Variants in RLF observed in about 807,000 individuals in gnomAD.
RLF encodes RLF zinc finger.
Under a neutral mutation model 162.9 loss-of-function variants are expected in RLF, and 7 were observed. The ratio of observed to expected loss-of-function variants is 0.04; its 90% CI spans 0.02 to 0.08. The LOEUF (loss-of-function observed/expected upper bound fraction) is 0.08, where lower values mean the gene tolerates loss of function less well. Among genes scored for constraint, RLF ranks in the 10% least tolerant of loss-of-function variants. The pLI is 1.00. For synonymous variants in RLF, 782 were observed against 791.5 expected, an observed-to-expected ratio of 0.99 and a Z score of 0.20; for missense variants, 1,664 against 2,244.7, an observed-to-expected ratio of 0.74 and a Z score of 5.23.
chr1:40,202,624 T>G lies in RLF; in HGVS notation c.810+10T>G. ...AGATGCTATTAAGGAGGTGAGTAAA[T>G]AATTGTTGTCATTCAAACTTGGTAT... On this transcript the variant is annotated intron_variant, in intron 5 of 7. Transcript: ENST00000372771. The G allele has an allele frequency of 2.1e-6, 3 of 1,419,758 alleles. No homozygotes were observed. The highest frequency in any genetic ancestry group is 1.9e-6 in the Non-Finnish European group (2 of 1,053,950). 87.9% of individuals were successfully genotyped at this position (1,419,758 alleles called of 1,614,324 possible).
At chr1:40,197,726 T>G (rs77333675) in intron 4 of RLF, among the ~76,000 whole-genome samples, 6,059 of 152,308 alleles carry the variant, frequency 0.04, 163 homozygotes, top group Non-Finnish European at 0.06. Context: ...TACCTACATA[T>G]CCAAGGAATT....
At position 40,220,438 on chromosome 1, in the gene RLF, C is replaced by T. The variant is rs182428039; in HGVS notation, c.811-2136C>T. ...CTCTCTTTGCCATGGCTTATTCCTACTCATTCATTCCTACTCATCTTAGGT... is the reference window on the plus strand; with the variant it reads ...CTCTCTTTGCCATGGCTTATTCCTATTCATTCATTCCTACTCATCTTAGGT... On this transcript the variant is annotated intron_variant, in intron 5 of 7. Coordinates refer to ENST00000372771, the MANE Select transcript of RLF (RefSeq NM_012421.4). Among the ~76,000 whole-genome samples the T allele has an allele frequency of 3.3e-5, 5 of 152,270 alleles. 1 individual carries two copies. Among genetic ancestry groups the T allele is most frequent in the Admixed American group, 3.3e-4 (5 of 15,296 alleles).
chr1:40,199,260 T>C (rs1642677877), intron 4 of RLF, among the ~76,000 whole-genome samples: 1 of 152,200 alleles, frequency 6.6e-6, no homozygotes, highest in Non-Finnish European at 1.5e-5. Context: ...ATACAAGCCC[T>C]TGTGCTTAGT....
chr1:40,161,658 T>A lies in RLF; in HGVS notation c.237+22T>A. On this transcript the variant is annotated intron_variant, in intron 1 of 7. Transcript: ENST00000372771. The surrounding 1 kb of genome is among the most constrained non-coding windows in gnomAD (Gnocchi z 4.4). ...CCAGGTGAGGGGCTGACTGGCTGGC[T>A]GAGGGCGGCGGGGCGGGGAAGTCAG... The A allele has an allele frequency of 6.2e-7, 1 of 1,605,682 alleles. No individual in the cohort carries two copies. Among genetic ancestry groups the A allele is most frequent in the South Asian group, 1.1e-5 (1 of 90,218 alleles).
At chr1:40,216,722 T>C (rs1432095368) in intron 5 of RLF, among the ~76,000 whole-genome samples, 1 of 152,132 alleles carries the variant, frequency 6.6e-6, no homozygotes, top group Admixed American at 6.6e-5. Flanking sequence ...CCAGTATTAC[T>C]TTGATACTAA....
At chr1:40,206,152 T>C (rs770834121) in intron 5 of RLF, among the ~76,000 whole-genome samples, 8 of 152,232 alleles carry the variant, frequency 5.3e-5, no homozygotes, top group Admixed American at 1.3e-4. Context: ...GCTCTTGATA[T>C]TCCTGATATT....
At chr1:40,213,656 A>G (rs187110575) in intron 5 of RLF, among the ~76,000 whole-genome samples, 82 of 152,206 alleles carry the variant, frequency 5.4e-4, no homozygotes, top group African/African-American at 1.5e-3. Flanking sequence ...ATGCAAGTGA[A>G]TGAAGTATTA....
At position 40,161,429 on chromosome 1, in the gene RLF, T is replaced by C. The variant is rs769946910; in HGVS notation, c.30T>C (p.Ala10=). 7 of 1,554,094 alleles carry C rather than the reference T, an allele frequency of 4.5e-6. No individual in the cohort carries two copies. The highest frequency in any genetic ancestry group is 2.4e-5 in the South Asian group (2 of 84,576). Residue 10 remains alanine, a synonymous_variant, in exon 1 of 8, where the codon GCT becomes GCC. Transcript: ENST00000372771. The surrounding 1 kb of genome is among the most constrained non-coding windows in gnomAD (Gnocchi z 4.4). MADGKGDAA[A]VAGAGAEAPA... ...CGGACGGAAAGGGAGACGCCGCCGC[T>C]GTCGCCGGGGCTGGGGCTGAGGCTC...
At position 40,161,670 on chromosome 1, in the gene RLF, G is replaced by A; in HGVS notation, c.237+34G>A. On this transcript the variant is annotated intron_variant, in intron 1 of 7. Coordinates refer to ENST00000372771, the MANE Select transcript of RLF (RefSeq NM_012421.4). This position sits in a 1 kb window ranked among gnomAD's most constrained non-coding sequence, Gnocchi z 4.4. ...CTGACTGGCTGGCTGAGGGCGGCGG[G>A]GCGGGGAAGTCAGGGAAGGAGGCCC... 1.2e-6 allele frequency: 2 copies of A among 1,602,860 alleles called. No homozygotes were observed. Among genetic ancestry groups the A allele is most frequent in the African/African-American group, 1.3e-5 (1 of 74,282 alleles).
chr1:40,216,831 C>T (rs1461953104), intron 5 of RLF, among the ~76,000 whole-genome samples: 1 of 152,108 alleles, frequency 6.6e-6, no homozygotes, highest in African/African-American at 2.4e-5. Flanking sequence ...GCGGGCAGAT[C>T]ACTTGAGGTC....
chr1:40,174,758 T>C (rs1320681714), intron 1 of RLF, among the ~76,000 whole-genome samples: 2 of 152,256 alleles, frequency 1.3e-5, no homozygotes, highest in African/African-American at 4.8e-5. Flanking sequence ...GATTATTATT[T>C]GCCCCTGTAG....
At chr1:40,189,497 G>C (rs1034608384) in intron 2 of RLF, among the ~76,000 whole-genome samples, 2 of 152,138 alleles carry the variant, frequency 1.3e-5, no homozygotes, top group Non-Finnish European at 2.9e-5. Context: ...TTAAATGACA[G>C]AATACCTGGA....
chr1:40,225,446 GC>G (rs1342625929), intron 6 of RLF, among the ~76,000 whole-genome samples: 1 of 152,002 alleles, frequency 6.6e-6, no homozygotes, highest in Non-Finnish European at 1.5e-5. Flanking sequence ...GGGCGTGGTG[GC>G]GTGTGCCTGT....
At chr1:40,164,044 TAAGG>T (rs1642133835) in intron 1 of RLF, among the ~76,000 whole-genome samples, 1 of 152,204 alleles carries the variant, frequency 6.6e-6, no homozygotes. Context: ...TTCATTTACT[TAAGG>T]AACACTGATT....
chr1:40,217,316 A>G (rs1642937086), intron 5 of RLF, among the ~76,000 whole-genome samples: 2 of 152,128 alleles, frequency 1.3e-5, no homozygotes, highest in East Asian at 3.9e-4. Flanking sequence ...AAAATAATAA[A>G]ATAAACTGGG....
chr1:40,200,053 A>G (rs1347428736), intron 4 of RLF, among the ~76,000 whole-genome samples: 2 of 152,202 alleles, frequency 1.3e-5, no homozygotes, highest in African/African-American at 4.8e-5. Flanking sequence ...ACTAAAATGG[A>G]AAAGTCCAAG....
At chr1:40,214,337 A>G (rs144805075) in intron 5 of RLF, among the ~76,000 whole-genome samples, 157 of 152,316 alleles carry the variant, frequency 1.0e-3, no homozygotes, top group Admixed American at 2.5e-3. Context: ...ACTTTTTTAG[A>G]ACTCTGAAAA....
Position 40,239,322 on chromosome 1 carries a change from T to C in RLF, c.4620T>C (p.Cys1540=). ...FKTRAEALHM[C]VEHSEHTQYP... ...CCAGAGCTGAGGCCCTCCATATGTGTGTGGAGCACTCTGAGCACACACAGT... is the reference window on the plus strand; with the variant it reads ...CCAGAGCTGAGGCCCTCCATATGTGCGTGGAGCACTCTGAGCACACACAGT... The change falls in exon 8 of 8, where the codon TGT becomes TGC. Residue 1540 remains cysteine, a synonymous_variant. Coordinates refer to ENST00000372771, the MANE Select transcript of RLF (RefSeq NM_012421.4). The C allele has an allele frequency of 6.2e-7, 1 of 1,614,074 alleles. No homozygotes were observed. The highest frequency in any genetic ancestry group is 8.5e-7 in the Non-Finnish European group (1 of 1,180,008).
At chr1:40,187,781 C>T (rs932969638) in intron 1 of RLF, among the ~76,000 whole-genome samples, 2 of 151,996 alleles carry the variant, frequency 1.3e-5, no homozygotes, top group African/African-American at 4.8e-5. Flanking sequence ...CATACAGGGA[C>T]CATTTGTGTG....
Sources: gnomAD v4.1 joint callset for allele counts (sites outside exome capture counted in the v4.1 genomes callset) on GRCh38, gnomAD v4.1.1 for gene constraint, Gnocchi (gnomAD v3.1) non-coding constraint, MANE v1.5 for transcripts, NCBI Gene and HGNC (gene_info 2026-07-23, HGNC 2026-07-21) for gene names.